ALDH3B1: variants seen among roughly 807,000 people sequenced by gnomAD.
ALDH3B1 encodes the protein aldehyde dehydrogenase family 3 member B1.
Under a neutral mutation model 46.2 loss-of-function variants are expected in ALDH3B1, and 37 were observed. The ratio of observed to expected loss-of-function variants is 0.80; its 90% confidence interval spans 0.62 to 1.05. ALDH3B1 has a LOEUF of 1.05. ALDH3B1 is among the 50% of genes least tolerant of loss of function. The probability of loss-of-function intolerance (pLI) is 0.00; values close to 1 mark genes in which losing one functional copy is unlikely to be tolerated. For synonymous variants in ALDH3B1, 283 were observed against 281.0 expected (o/e 1.01, Z -0.07); for missense variants, 603 against 665.5 (o/e 0.91, Z 1.03).
Position 68,011,184 on chromosome 11 carries a change from T to A in ALDH3B1, c.-2+792T>A, listed in dbSNP as rs557837659. 4.6e-5 allele frequency among the ~76,000 whole-genome samples: 7 copies of A among 152,324 alleles called. 1 individual carries two copies. In the South Asian group the frequency reaches 1.5e-3, roughly 32 times the overall value. On this transcript the variant is annotated intron_variant, in intron 1 of 9. Coordinates refer to ENST00000342456, the MANE Select transcript of ALDH3B1 (RefSeq NM_000694.4). Reference sequence around the variant, plus strand: ...GATTCGTGAATCCGGACAGCCTCCATTCTACAAAATGGAGTGAGAGCTCCC... The same window carrying A: ...GATTCGTGAATCCGGACAGCCTCCAATCTACAAAATGGAGTGAGAGCTCCC...
At position 68,028,092 on chromosome 11, in the gene ALDH3B1, C is replaced by T; in HGVS notation, c.*153C>T. ...AGCGCCTGCCTCCTCCCTCCTGGGT[C>T]TTCCCTCTCCCTGCCTCAGCCTCCT... On this transcript the variant is annotated 3_prime_UTR_variant, in exon 10 of 10. Transcript: ENST00000342456. 2 of 1,025,890 alleles carry T rather than the reference C, an allele frequency of 1.9e-6. No homozygotes were observed. Among genetic ancestry groups the T allele is most frequent in the Non-Finnish European group, 3.0e-6 (2 of 658,096 alleles). The allele number at this position is 1,025,890 out of a possible 1,614,324, so 63.5% of individuals were successfully genotyped here. A position where few individuals can be genotyped will look rare whatever the true frequency, so the allele number is the denominator to read the frequency against.
At chr11:68,027,080 C>A (rs540733862) in intron 9 of ALDH3B1, among the ~76,000 whole-genome samples, 68 of 152,236 alleles carry the variant, frequency 4.5e-4, no homozygotes, top group South Asian at 1.7e-3. Flanking sequence ...GGCCCCACCC[C>A]GGCTTCCCCA....
At chr11:68,015,611 T>C in intron 2 of ALDH3B1, 152 bp downstream of exon 2, 1 of 963,618 alleles carries the variant, frequency 1.0e-6, no homozygotes, top group Non-Finnish European at 1.6e-6. Context: ...TGCACATTCA[T>C]CCAGTCACTT....
At chr11:68,010,119 C>T (rs1167728054), upstream of ALDH3B1, among the ~76,000 whole-genome samples, 1 of 152,190 alleles carries the variant, frequency 6.6e-6, no homozygotes, top group Non-Finnish European at 1.5e-5. Context: ...CAGCTCGGAG[C>T]TCAGCCCTGC....
chr11:68,013,468 A>G (rs1857276787), intron 1 of ALDH3B1, among the ~76,000 whole-genome samples: 1 of 152,226 alleles, frequency 6.6e-6, no homozygotes, highest in Non-Finnish European at 1.5e-5. Flanking sequence ...CCACTGGCAG[A>G]AGTCTGAAGG....
chr11:68,024,612 T>TTAAG (rs1857580089), intron 8 of ALDH3B1: 1 of 152,216 alleles, frequency 6.6e-6, no homozygotes, highest in Non-Finnish European at 1.5e-5. Context: ...TGTTTTTATG[T>TTAAG]TAAGACTCCT....
intron 7 of ALDH3B1, among the ~76,000 whole-genome samples, 157 bp downstream of exon 7, chr11:68,022,028 C>G (rs894651984): frequency 1.4e-4 from 21 of 152,362 alleles, no homozygotes; most frequent in African/African-American, 5.1e-4. Context: ...GATTCCGTCT[C>G]TGTGCTTCTA....
rs1288123398 is a variant in ALDH3B1, at chr11:68,028,100, T to C, written c.*161T>C. 6 of 986,142 alleles carry C rather than the reference T, an allele frequency of 6.1e-6. No homozygotes were observed. The highest frequency in any genetic ancestry group is 9.6e-6 in the Non-Finnish European group (6 of 622,440). The allele number at this position is 986,142 out of a possible 1,614,324, so 61.1% of individuals were successfully genotyped here. On this transcript the variant is annotated 3_prime_UTR_variant, in exon 10 of 10. Transcript: ENST00000342456. The stretch of plus-strand genomic sequence containing the variant: ...CCTCCTCCCTCCTGGGTCTTCCCTC[T>C]CCCTGCCTCAGCCTCCTCCCTCAGC...
intron 4 of ALDH3B1, 29 bp downstream of exon 4, chr11:68,018,922 AC>A (rs747928931): frequency 6.5e-7 from 1 of 1,543,480 alleles, no homozygotes; most frequent in Non-Finnish European, 8.7e-7. Context: ...CCTTCCGGTC[AC>A]CCTTCTCCGC....
chr11:68,019,023 G>C (rs1396439889), intron 4 of ALDH3B1, 130 bp downstream of exon 4: 5 of 1,463,806 alleles, frequency 3.4e-6, no homozygotes, highest in Non-Finnish European at 4.6e-6. Flanking sequence ...ACCGTCCCCG[G>C]GCTGTGTGGC....
rs776016477 is a variant in ALDH3B1 at position 68,021,579 on chromosome 11, GGAC to G, written c.661_663del (p.Asp221del). The stretch of plus-strand genomic sequence containing the variant: ...TGGGGGGCAAGAACCCTTGCTACGT[GGAC>G]GACAACTGCGACCCCCAGACCGTGG... On this transcript the variant is annotated inframe_deletion, in exon 7 of 10. Transcript: ENST00000342456. 4.3e-6 allele frequency: 7 copies of G among 1,614,082 alleles called. No individual in the cohort carries two copies. The highest frequency in any genetic ancestry group is 2.7e-5 in the African/African-American group (2 of 75,036).
chr11:68,022,898 C>T (rs998713490), intron 8 of ALDH3B1, 137 bp downstream of exon 8: 2 of 1,312,884 alleles, frequency 1.5e-6, no homozygotes, highest in African/African-American at 2.9e-5. Context: ...TCTGCCCACT[C>T]TCCTGGAAGC....
At chr11:68,021,413 G>T in intron 6 of ALDH3B1, 72 bp from the exon 7 acceptor site, 1 of 1,549,376 alleles carries the variant, frequency 6.5e-7, no homozygotes. Context: ...AGGGAGGAGC[G>T]GGGCCGTGGG....
intron 8 of ALDH3B1, among the ~76,000 whole-genome samples, 194 bp downstream of exon 8, chr11:68,022,955 T>C (rs1397785503): frequency 2.0e-5 from 3 of 152,102 alleles, no homozygotes; most frequent in African/African-American, 7.2e-5. Context: ...TGGGCCCCAC[T>C]CTCCTAGGCC....
At chr11:68,023,184 C>A (rs904479774) in intron 8 of ALDH3B1, among the ~76,000 whole-genome samples, 1 of 152,148 alleles carries the variant, frequency 6.6e-6, no homozygotes, top group African/African-American at 2.4e-5. Flanking sequence ...GCAGAGGCAG[C>A]CTGGGAGGCC....
rs1456342472 is a variant in ALDH3B1 at position 68,027,742 on chromosome 11, T to C, written c.1217-7T>C. On this transcript the variant is annotated splice_region_variant and splice_polypyrimidine_tract_variant and intron_variant, in intron 9 of 9. Transcript: ENST00000342456. The stretch of plus-strand genomic sequence containing the variant: ...CCTGACCACCTGTGTTCTGTGCCAC[T>C]GTACAGGTGCCAGTGGGATGGGCCG... 1.9e-6 allele frequency: 3 copies of C among 1,554,116 alleles called. No homozygotes were observed. The highest frequency in any genetic ancestry group is 2.6e-6 in the Non-Finnish European group (3 of 1,147,766).
chr11:68,011,582 C>G (rs76353488), intron 1 of ALDH3B1, among the ~76,000 whole-genome samples: 2 of 152,228 alleles, frequency 1.3e-5, no homozygotes, highest in African/African-American at 4.8e-5. Flanking sequence ...TGCAGGAGAT[C>G]AGAATCGGAG....
intron 6 of ALDH3B1, among the ~76,000 whole-genome samples, chr11:68,020,746 G>A (rs1857471204): frequency 6.6e-6 from 1 of 152,254 alleles, no homozygotes; most frequent in African/African-American, 2.4e-5. Flanking sequence ...GAGTAGAGAA[G>A]GCACAGTGGC....
At chr11:68,011,982 A>C (rs1208457726) in intron 1 of ALDH3B1, among the ~76,000 whole-genome samples, 1 of 152,154 alleles carries the variant, frequency 6.6e-6, no homozygotes, top group Non-Finnish European at 1.5e-5. Flanking sequence ...CTCCCCACTC[A>C]CACATGTGGT....
Sources: gnomAD v4.1 joint callset for allele counts (sites outside exome capture counted in the v4.1 genomes callset) on GRCh38, gnomAD v4.1.1 for gene constraint, MANE v1.5 for transcripts, NCBI Gene and HGNC (gene_info 2026-07-23, HGNC 2026-07-21) for gene names.